The following ERCC6L2 variants were observed in gnomAD, a reference collection of about 807,000 sequenced individuals.
ERCC6L2 encodes the protein DNA excision repair protein ERCC-6-like 2.
A neutral mutation model predicts 132.0 loss-of-function variants in ERCC6L2; 77 were observed. The ratio of observed to expected loss-of-function variants is 0.58; its 90% confidence interval spans 0.49 to 0.71. The LOEUF is 0.71. Ranked by LOEUF, ERCC6L2 falls within the 30% of genes least tolerant of loss-of-function variation. The pLI, the probability that ERCC6L2 is intolerant of heterozygous loss-of-function variation, is 0.00. For synonymous variants in ERCC6L2, 583 were observed against 632.4 expected (o/e 0.92, Z 1.17); for missense variants, 1,542 against 1,837.6 (o/e 0.84, Z 2.94).
chr9:95,926,903 T>A (rs1564231286), intron 9 of ERCC6L2, among the ~76,000 whole-genome samples: 2 of 152,108 alleles, frequency 1.3e-5, no homozygotes, highest in East Asian at 3.9e-4. Context: ...TAAGAGAAAG[T>A]GTGGAGGAGG....
intron 18 of ERCC6L2, among the ~76,000 whole-genome samples, chr9:96,008,054 T>C (rs1352635604): frequency 1.3e-5 from 2 of 152,174 alleles, no homozygotes; most frequent in South Asian, 2.1e-4. Context: ...TGCCACACAG[T>C]GTACCTACCC....
intron 2 of ERCC6L2, among the ~76,000 whole-genome samples, chr9:95,885,722 C>G (rs1316523218): frequency 6.6e-6 from 1 of 152,088 alleles, no homozygotes; most frequent in Non-Finnish European, 1.5e-5. Flanking sequence ...AGTAGTGGTT[C>G]TCTAAAGTGG....
chr9:95,955,818 A>G, intron 12 of ERCC6L2, 96 bp from the exon 13 acceptor site: 1 of 573,384 alleles, frequency 1.7e-6, no homozygotes, highest in Non-Finnish European at 3.0e-6. Flanking sequence ...AATTAATTAA[A>G]AATTTAATGA....
intron 6 of ERCC6L2, chr9:95,918,155 T>C: frequency 2.1e-6 from 1 of 470,158 alleles, no homozygotes; most frequent in Non-Finnish European, 4.2e-6. Flanking sequence ...AAAAGAGTTG[T>C]GGTCATCCTG....
intron 12 of ERCC6L2, among the ~76,000 whole-genome samples, chr9:95,953,274 G>C (rs2132964998): frequency 6.6e-6 from 1 of 152,222 alleles, no homozygotes; most frequent in East Asian, 1.9e-4. Context: ...AGAAAAATTT[G>C]CTATTTAGAA....
intron 19 of ERCC6L2, among the ~76,000 whole-genome samples, chr9:96,030,020 A>G (rs930536191): frequency 1.8e-4 from 28 of 152,298 alleles, no homozygotes; most frequent in African/African-American, 6.5e-4. Flanking sequence ...TGAGAGGTGA[A>G]GCCAGCTGGA....
intron 17 of ERCC6L2, among the ~76,000 whole-genome samples, chr9:95,992,669 ATCT>A (rs953477499): frequency 2.0e-5 from 3 of 152,302 alleles, no homozygotes; most frequent in East Asian, 1.9e-4. Flanking sequence ...CGTGCTTGAA[ATCT>A]TCTTCCCCAG....
At chr9:96,028,125 G>A (rs1834407388) in intron 19 of ERCC6L2, among the ~76,000 whole-genome samples, 1 of 151,962 alleles carries the variant, frequency 6.6e-6, no homozygotes, top group Non-Finnish European at 1.5e-5. Flanking sequence ...GCCAGACGGC[G>A]CTTCCTGAAG....
downstream of ERCC6L2, chr9:96,021,033 C>G: frequency 2.2e-6 from 1 of 454,968 alleles, no homozygotes; most frequent in South Asian, 1.6e-5. This position sits in a 1 kb window ranked among gnomAD's most constrained non-coding sequence, Gnocchi z 4.7. Flanking sequence ...GCTCGCAGCG[C>G]CGCCGCGGCG....
At chr9:95,965,254 C>CACAA (rs1832099868) in intron 13 of ERCC6L2, among the ~76,000 whole-genome samples, 1 of 152,148 alleles carries the variant, frequency 6.6e-6, no homozygotes, top group Non-Finnish European at 1.5e-5. Flanking sequence ...CACTTCTTAG[C>CACAA]TGGCAGCTGT....
At chr9:96,019,185 A>G (rs1364951755), downstream of ERCC6L2, among the ~76,000 whole-genome samples, 3 of 152,212 alleles carry the variant, frequency 2.0e-5, no homozygotes, top group East Asian at 5.8e-4. Flanking sequence ...GTAAAGTGGG[A>G]TATGTTTCTG....
intron 6 of ERCC6L2, 66 bp from the exon 7 acceptor site, chr9:95,921,109 A>G: frequency 7.1e-7 from 1 of 1,405,360 alleles, no homozygotes; most frequent in African/African-American, 1.5e-5. Flanking sequence ...AATCAGATGT[A>G]GATTATGATT....
At chr9:95,955,361 A>G (rs917300247) in intron 12 of ERCC6L2, among the ~76,000 whole-genome samples, 2 of 152,188 alleles carry the variant, frequency 1.3e-5, no homozygotes, top group African/African-American at 4.8e-5. Flanking sequence ...CATGCAATAA[A>G]CTGTACATAC....
Position 95,970,129 on chromosome 9 carries a change from A to G in ERCC6L2, c.2101-447A>G, listed in dbSNP as rs574124113. On this transcript the variant is annotated intron_variant, in intron 14 of 18. Transcript: ENST00000653738. ...AAGGGGTATTTTTAAATGAATATGA[A>G]CAATAAATATAGTAACAATATAGGC... is the stretch of plus-strand genomic sequence containing the variant. 1.1e-3 allele frequency among the ~76,000 whole-genome samples: 172 copies of G among 152,308 alleles called. 1 individual carries two copies. Among genetic ancestry groups the G allele is most frequent in the Admixed American group, 2.1e-3 (32 of 15,280 alleles).
chr9:95,989,530 CG>C (rs1439534105), intron 17 of ERCC6L2, among the ~76,000 whole-genome samples: 4 of 152,204 alleles, frequency 2.6e-5, no homozygotes, highest in African/African-American at 9.7e-5. Context: ...GAGAGCCTAT[CG>C]GGCATGAGTC....
intron 17 of ERCC6L2, among the ~76,000 whole-genome samples, chr9:95,979,384 A>G (rs571345417): frequency 1.4e-3 from 219 of 152,320 alleles, no homozygotes; most frequent in African/African-American, 5.1e-3. Flanking sequence ...CCAAAATGCC[A>G]TAACACCCTG....
chr9:95,984,281 T>C (rs1833007571), intron 17 of ERCC6L2, among the ~76,000 whole-genome samples: 1 of 149,324 alleles, frequency 6.7e-6, no homozygotes, highest in Non-Finnish European at 1.5e-5. Context: ...ATGTATATGA[T>C]ATACATGTTA....
intron 17 of ERCC6L2, among the ~76,000 whole-genome samples, chr9:95,997,880 T>A (rs947315998): frequency 1.3e-5 from 2 of 152,258 alleles, no homozygotes; most frequent in Non-Finnish European, 2.9e-5. Context: ...TAATAAGTTA[T>A]AATTGTCACT....
At chr9:96,019,035 G>GA (rs1313659722), downstream of ERCC6L2, among the ~76,000 whole-genome samples, 1 of 152,284 alleles carries the variant, frequency 6.6e-6, no homozygotes, top group East Asian at 1.9e-4. Flanking sequence ...CTGGCAGGGG[G>GA]AAAAATGCGT....
Sources: allele counts gnomAD v4.1 joint callset (sites outside exome capture counted in the v4.1 genomes callset), GRCh38; gene constraint gnomAD v4.1.1; non-coding constraint Gnocchi (gnomAD v3.1); transcripts MANE v1.5; gene names NCBI Gene and HGNC (gene_info 2026-07-23, HGNC 2026-07-21).